Variants in TTC39B observed in about 807,000 individuals in gnomAD.
The protein encoded by TTC39B is tetratricopeptide repeat domain 39B, also known as tetratricopeptide repeat protein 39B.
Under a neutral mutation model 96.6 loss-of-function variants are expected in TTC39B, and 92 were observed. The observed-to-expected ratio is 0.95, with a 90% CI of 0.80 to 1.13. The LOEUF is 1.13. Ranked by LOEUF, TTC39B falls within the 50% of genes most tolerant of loss-of-function variation. The pLI, the probability that TTC39B is intolerant of heterozygous loss-of-function variation, is 0.00. For synonymous variants in TTC39B, 367 were observed against 299.4 expected (o/e 1.23, Z -2.33); for missense variants, 955 against 809.3 (o/e 1.18, Z -2.18).
rs559574582 is a variant in TTC39B, at chr9:15,206,215, C to T, written c.692-2325G>A. ...GCATTTAAATATCTGTTTGTAAAGGCAATTTGAAACCCATTTGGGGCAATC... is the reference window on the plus strand; with the variant it reads ...GCATTTAAATATCTGTTTGTAAAGGTAATTTGAAACCCATTTGGGGCAATC... On this transcript the variant is annotated intron_variant, in intron 6 of 19. Transcript: ENST00000512701. Among the ~76,000 whole-genome samples, 17 of 151,950 alleles carry T rather than the reference C, an allele frequency of 1.1e-4. No homozygotes were observed. The South Asian group carries it at 3.1e-3, about 28-fold the overall frequency.
exon 20 of TTC39B, chr9:15,164,698 A>C (rs1817486603): frequency 6.6e-6 from 1 of 152,032 alleles, no homozygotes; most frequent in Non-Finnish European, 1.5e-5. Context: ...TACAGAAATG[A>C]GTCAGTTTTC....
intron 19 of TTC39B, among the ~76,000 whole-genome samples, chr9:15,174,457 G>A (rs1034041430): frequency 2.6e-5 from 4 of 152,160 alleles, no homozygotes; most frequent in Admixed American, 2.6e-4. Flanking sequence ...TTGTCTACCA[G>A]AATTGATAAA....
At chr9:15,242,922 G>T (rs538374280) in intron 2 of TTC39B, among the ~76,000 whole-genome samples, 1 of 152,202 alleles carries the variant, frequency 6.6e-6, no homozygotes, top group Non-Finnish European at 1.5e-5. Context: ...CAGAGACAGC[G>T]ATTAAATGTG....
chr9:15,213,387 T>C (rs758984757), intron 4 of TTC39B, among the ~76,000 whole-genome samples: 2 of 152,242 alleles, frequency 1.3e-5, no homozygotes, highest in Non-Finnish European at 2.9e-5. Context: ...CTGACCCATC[T>C]TGATTACAGC....
rs776722651 is a variant in TTC39B at position 15,267,965 on chromosome 9, A to G, written c.241-17T>C. On this transcript the variant is annotated splice_polypyrimidine_tract_variant and intron_variant, in intron 1 of 19. Transcript: ENST00000512701. ...GAAAACGTCCTGGGGGAAATAAAAA[A>G]TACAATGAGTTTCTCAAGAATTCTC... is the stretch of plus-strand genomic sequence containing the variant. The G allele has an allele frequency of 1.6e-5, 26 of 1,608,560 alleles. No individual in the cohort carries two copies. Among genetic ancestry groups the G allele is most frequent in the Non-Finnish European group, 2.5e-6 (3 of 1,178,160 alleles).
chr9:15,243,498 A>C (rs987403798), intron 2 of TTC39B, among the ~76,000 whole-genome samples: 1 of 152,218 alleles, frequency 6.6e-6, no homozygotes, highest in Non-Finnish European at 1.5e-5. Context: ...TCGCCCCTGC[A>C]AGGAAACCAA....
At chr9:15,205,324 T>C (rs955969857) in intron 6 of TTC39B, among the ~76,000 whole-genome samples, 5 of 152,180 alleles carry the variant, frequency 3.3e-5, no homozygotes, top group Admixed American at 6.5e-5. Flanking sequence ...TTTCTTATTA[T>C]TGGGATTAGT....
Position 15,180,171 on chromosome 9 carries a change from C to A in TTC39B, c.1723+2136G>T, listed in dbSNP as rs540619634. Among the ~76,000 whole-genome samples the A allele has an allele frequency of 6.6e-5, 10 of 152,164 alleles. No individual in the cohort carries two copies. In the East Asian group the frequency reaches 1.2e-3, roughly 18 times the overall value. ...GGCTGAGAAACAGGGAAGTTTGAAGCCCAAACTACAAAAAGTATCTATGCT... is the reference window on the plus strand; with the variant it reads ...GGCTGAGAAACAGGGAAGTTTGAAGACCAAACTACAAAAAGTATCTATGCT... On this transcript the variant is annotated intron_variant, in intron 17 of 19. Transcript: ENST00000512701.
At chr9:15,235,707 C>T (rs536948226) in intron 2 of TTC39B, among the ~76,000 whole-genome samples, 5 of 152,248 alleles carry the variant, frequency 3.3e-5, no homozygotes, top group African/African-American at 1.2e-4. Flanking sequence ...TCACATCCTG[C>T]CAAACTAAGC....
intron 2 of TTC39B, among the ~76,000 whole-genome samples, chr9:15,263,856 A>C (rs1290029617): frequency 6.6e-6 from 1 of 152,204 alleles, no homozygotes; most frequent in Non-Finnish European, 1.5e-5. Flanking sequence ...ACAATTCAGC[A>C]ACATTGAAAA....
exon 20 of TTC39B, chr9:15,170,878 A>G (rs1817627233): frequency 6.6e-6 from 1 of 152,238 alleles, no homozygotes; most frequent in Admixed American, 6.5e-5. Context: ...TCATTTGTTG[A>G]AAATAAATAC....
At chr9:15,301,204 T>C (rs966560458) in intron 1 of TTC39B, among the ~76,000 whole-genome samples, 1 of 152,212 alleles carries the variant, frequency 6.6e-6, no homozygotes, top group African/African-American at 2.4e-5. Context: ...TCATCCCTGT[T>C]TGTACCTGTT....
rs374551720 is a variant in TTC39B, at chr9:15,203,896, A to G, written c.692-6T>C. 73 of 1,610,604 alleles carry G rather than the reference A, an allele frequency of 4.5e-5. No individual in the cohort carries two copies. The African/African-American group carries it at 6.8e-4, about 15-fold the overall frequency. ...GATTTCAGCATGCATTTCCTCTACAAAAAACAAATAAAATTATATTAAGTA... is the reference window on the plus strand; with the variant it reads ...GATTTCAGCATGCATTTCCTCTACAGAAAACAAATAAAATTATATTAAGTA... On this transcript the variant is annotated splice_region_variant and splice_polypyrimidine_tract_variant and intron_variant, in intron 6 of 19. Coordinates refer to ENST00000512701, the Ensembl canonical transcript of TTC39B.
intron 1 of TTC39B, among the ~76,000 whole-genome samples, chr9:15,287,349 T>A (rs573968078): frequency 1.3e-5 from 2 of 152,158 alleles, no homozygotes; most frequent in South Asian, 4.1e-4. Context: ...ACTGCCAAAA[T>A]TAAGAAAGCT....
chr9:15,252,365 T>C (rs954922065), intron 2 of TTC39B, among the ~76,000 whole-genome samples: 14 of 152,220 alleles, frequency 9.2e-5, no homozygotes, highest in Middle Eastern at 3.4e-3. Flanking sequence ...TTACAAAAGG[T>C]GGGCCGGGCG....
chr9:15,239,221 T>C (rs149075677), intron 2 of TTC39B, among the ~76,000 whole-genome samples: 3,429 of 152,126 alleles, frequency 0.023, 118 homozygotes, highest in African/African-American at 0.077. Flanking sequence ...TGAGATATCA[T>C]CTTATACCAG....
intron 8 of TTC39B, among the ~76,000 whole-genome samples, chr9:15,199,160 G>A (rs1041455737): frequency 6.6e-6 from 1 of 152,212 alleles, no homozygotes; most frequent in Non-Finnish European, 1.5e-5. Context: ...ATAAGGATAT[G>A]AACAACGCTA....
chr9:15,265,950 G>A (rs958667643), intron 2 of TTC39B, among the ~76,000 whole-genome samples: 1 of 152,196 alleles, frequency 6.6e-6, no homozygotes, highest in Non-Finnish European at 1.5e-5. Flanking sequence ...TCACAGCCAA[G>A]AGGAGCCTAA....
chr9:15,176,959 A>C (rs1207354398), intron 18 of TTC39B, among the ~76,000 whole-genome samples: 1 of 152,202 alleles, frequency 6.6e-6, no homozygotes, highest in Non-Finnish European at 1.5e-5. Context: ...ATAAAACCAG[A>C]ACAAAACTCA....
Sources: gnomAD v4.1 joint callset for allele counts (sites outside exome capture counted in the v4.1 genomes callset) on GRCh38, gnomAD v4.1.1 for gene constraint, MANE v1.5 for transcripts, NCBI Gene and HGNC (gene_info 2026-07-23, HGNC 2026-07-21) for gene names.